CAPSL: variants seen among roughly 807,000 people sequenced by gnomAD.
The protein encoded by CAPSL is calcyphosin-like protein.
CAPSL carries 17 observed loss-of-function variants against 21.3 expected under a neutral mutation model. The observed-to-expected ratio is 0.80, with a 90% confidence interval of 0.55 to 1.20. CAPSL has a LOEUF of 1.20. Ranked by LOEUF, CAPSL falls within the 50% of genes most tolerant of loss-of-function variation. The pLI is 0.00. For synonymous variants in CAPSL, 102 were observed against 89.3 expected (o/e 1.14, Z -0.80); for missense variants, 289 against 259.3 (o/e 1.11, Z -0.79).
chr5:35,929,367 C>T (rs560700101), intron 1 of CAPSL, among the ~76,000 whole-genome samples: 1 of 148,704 alleles, frequency 6.7e-6, no homozygotes, highest in African/African-American at 2.5e-5. Flanking sequence ...TCACTGCAAC[C>T]TTGCAATCTC....
chr5:35,937,938 C>T (rs1357914621), intron 1 of CAPSL, among the ~76,000 whole-genome samples: 1 of 152,024 alleles, frequency 6.6e-6, no homozygotes, highest in Non-Finnish European at 1.5e-5. Flanking sequence ...TGGTGTTGTC[C>T]TTTAATGAGA....
chr5:35,928,888 C>T (rs1308291374), intron 1 of CAPSL, among the ~76,000 whole-genome samples: 2 of 152,174 alleles, frequency 1.3e-5, no homozygotes, highest in Non-Finnish European at 2.9e-5. Context: ...ACAGCACTCA[C>T]CAAGCACAGT....
At chr5:35,904,786 A>C (rs2149914077) in intron 4 of CAPSL, 140 bp from the exon 5 acceptor site, 1 of 1,287,826 alleles carries the variant, frequency 7.8e-7, no homozygotes, top group South Asian at 1.7e-5. Flanking sequence ...CTGATCTAAA[A>C]CAAAAGAACA....
chr5:35,927,132 G>A (rs533100145), intron 1 of CAPSL, among the ~76,000 whole-genome samples: 1 of 152,316 alleles, frequency 6.6e-6, no homozygotes, highest in Non-Finnish European at 1.5e-5. Flanking sequence ...ACCAGATTTT[G>A]CCTGGACAGT....
chr5:35,934,566 G>A (rs1378706735), intron 1 of CAPSL, among the ~76,000 whole-genome samples: 1 of 152,212 alleles, frequency 6.6e-6, no homozygotes, highest in Admixed American at 6.5e-5. Flanking sequence ...GAGGAGAGGA[G>A]GAGATAGAGG....
chr5:35,914,974 A>G (rs1394905455), intron 2 of CAPSL, among the ~76,000 whole-genome samples: 6 of 152,210 alleles, frequency 3.9e-5, no homozygotes, highest in Non-Finnish European at 7.3e-5. Flanking sequence ...AAGACTAATA[A>G]AGAAGAAAAG....
At chr5:35,930,546 C>T (rs1738794349) in intron 1 of CAPSL, among the ~76,000 whole-genome samples, 2 of 152,130 alleles carry the variant, frequency 1.3e-5, no homozygotes, top group Non-Finnish European at 1.5e-5. Context: ...CATACACTTG[C>T]CCAAGCCTGA....
At chr5:35,910,746 T>A (rs953508765) in intron 2 of CAPSL, among the ~76,000 whole-genome samples, 1 of 152,004 alleles carries the variant, frequency 6.6e-6, no homozygotes, top group African/African-American at 2.4e-5. Context: ...TAATTCTAAT[T>A]ACATGACATT....
chr5:35,923,587 G>A (rs10941268), intron 1 of CAPSL, among the ~76,000 whole-genome samples: 20,242 of 152,252 alleles, frequency 0.13, 1,563 homozygotes, highest in Non-Finnish European at 0.18. Flanking sequence ...ACACAGTACT[G>A]ATAGATACCA....
intron 2 of CAPSL, among the ~76,000 whole-genome samples, chr5:35,916,805 G>A (rs544266825): frequency 6.6e-6 from 1 of 152,248 alleles, no homozygotes; most frequent in South Asian, 2.1e-4. Context: ...ATAGGCATGG[G>A]CAAGGACTTC....
At chr5:35,925,125 A>G (rs774286753) in intron 1 of CAPSL, among the ~76,000 whole-genome samples, 3 of 152,254 alleles carry the variant, frequency 2.0e-5, no homozygotes, top group Admixed American at 6.5e-5. Flanking sequence ...CCGGCCAGGC[A>G]TGCGGTTCAG....
At chr5:35,906,998 G>A (rs1343345213) in intron 4 of CAPSL, among the ~76,000 whole-genome samples, 6 of 152,270 alleles carry the variant, frequency 3.9e-5, no homozygotes, top group Admixed American at 2.6e-4. Flanking sequence ...GGCCTGAATC[G>A]CAAATTCTCT....
chr5:35,917,171 A>G (rs2149922837), intron 2 of CAPSL, among the ~76,000 whole-genome samples: 1 of 152,348 alleles, frequency 6.6e-6, no homozygotes, highest in African/African-American at 2.4e-5. Flanking sequence ...ATGACATACC[A>G]TCTCACACCA....
intron 1 of CAPSL, among the ~76,000 whole-genome samples, chr5:35,921,407 A>C (rs1407022985): frequency 6.6e-6 from 1 of 152,200 alleles, no homozygotes; most frequent in East Asian, 1.9e-4. Flanking sequence ...TCCATAAAAG[A>C]AGTGCAATTT....
chr5:35,921,227 T>C, intron 1 of CAPSL, 107 bp from the exon 2 acceptor site: 1 of 1,351,596 alleles, frequency 7.4e-7, no homozygotes, highest in Non-Finnish European at 9.9e-7. Context: ...GCCTTCTCTG[T>C]CAGGAAACCT....
chr5:35,919,037 G>T (rs1188966871), intron 2 of CAPSL, among the ~76,000 whole-genome samples: 2 of 151,534 alleles, frequency 1.3e-5, no homozygotes, highest in African/African-American at 4.9e-5. Flanking sequence ...AAAACCGTAG[G>T]GGCTGCAGAA....
At chr5:35,930,506 A>G (rs1250062009) in intron 1 of CAPSL, among the ~76,000 whole-genome samples, 3 of 152,220 alleles carry the variant, frequency 2.0e-5, no homozygotes, top group Non-Finnish European at 4.4e-5. Flanking sequence ...TTAAAGAGGC[A>G]CACAGTCTCA....
chr5:35,918,867 G>C (rs1229492133), intron 2 of CAPSL, among the ~76,000 whole-genome samples: 6 of 151,804 alleles, frequency 4.0e-5, no homozygotes, highest in African/African-American at 1.5e-4. Flanking sequence ...TAAGAGTCCA[G>C]TGAAAAAAAT....
At chr5:35,924,715 G>C (rs538424755) in intron 1 of CAPSL, among the ~76,000 whole-genome samples, 12 of 152,342 alleles carry the variant, frequency 7.9e-5, no homozygotes, top group African/African-American at 2.9e-4. Context: ...GAGTGTGGGA[G>C]TGTGAGGAAT....
Sources: gnomAD v4.1 joint callset for allele counts (sites outside exome capture counted in the v4.1 genomes callset) on GRCh38, gnomAD v4.1.1 for gene constraint, MANE v1.5 for transcripts, NCBI Gene and HGNC (gene_info 2026-07-23, HGNC 2026-07-21) for gene names.